SIK3: variants seen among roughly 807,000 people sequenced by gnomAD.
SIK3 encodes the protein serine/threonine-protein kinase SIK3.
Under a neutral mutation model 144.2 loss-of-function variants are expected in SIK3, and 28 were observed. The observed-to-expected ratio is 0.19, with a 90% CI of 0.14 to 0.27. The LOEUF is 0.27. Ranked by LOEUF, SIK3 falls within the 10% of genes least tolerant of loss-of-function variation. SIK3 has a pLI of 1.00. For synonymous variants in SIK3, 686 were observed against 676.3 expected (o/e 1.01, Z -0.22); for missense variants, 1,319 against 1,776.0 (o/e 0.74, Z 4.62).
intron 1 of SIK3, among the ~76,000 whole-genome samples, chr11:116,981,357 T>G (rs541853155): frequency 6.6e-6 from 1 of 152,316 alleles, no homozygotes; most frequent in East Asian, 1.9e-4. Flanking sequence ...CACATGGATC[T>G]CTCCATGGGC....
At chr11:116,998,165 T>TAAAA (rs71037438) in intron 1 of SIK3, among the ~76,000 whole-genome samples, 7 of 141,966 alleles carry the variant, frequency 4.9e-5, no homozygotes, top group African/African-American at 1.5e-4. Context: ...TATGATAATT[T>TAAAA]AAAAAAAAAA....
chr11:117,046,014 G>GT (rs1276368196), intron 1 of SIK3, among the ~76,000 whole-genome samples: 3 of 152,228 alleles, frequency 2.0e-5, no homozygotes, highest in Non-Finnish European at 4.4e-5. Flanking sequence ...CCAGTCTAAT[G>GT]TTTTTTATGA....
In SIK3 at chr11:116,935,900, T is replaced by C. The variant is rs76384483; in HGVS notation, c.455-8520A>G. Among the ~76,000 whole-genome samples the C allele has an allele frequency of 9.5e-3, 1,443 of 152,306 alleles. 14 individuals carry two copies. The highest frequency in any genetic ancestry group is 0.016 in the Non-Finnish European group (1,076 of 68,034). On this transcript the variant is annotated intron_variant, in intron 3 of 24. Transcript: ENST00000445177. The stretch of plus-strand genomic sequence containing the variant: ...AGGCTAATGGCTTCCAAATTCACTG[T>C]TTCTAGTCATCTAACCTCCTGAGCT...
chr11:117,068,722 C>T (rs899160357), intron 1 of SIK3, among the ~76,000 whole-genome samples: 3 of 152,196 alleles, frequency 2.0e-5, no homozygotes, highest in Admixed American at 2.0e-4. Context: ...CCACTGCACT[C>T]CAAACTGGGT....
chr11:116,975,046 C>T (rs1949897254), intron 1 of SIK3, among the ~76,000 whole-genome samples: 1 of 152,050 alleles, frequency 6.6e-6, no homozygotes, highest in Non-Finnish European at 1.5e-5. Context: ...ACCTGAAACT[C>T]TTTCTGAAAG....
intron 3 of SIK3, among the ~76,000 whole-genome samples, chr11:116,948,658 T>TTC (rs1209899115): frequency 6.6e-6 from 1 of 152,148 alleles, no homozygotes; most frequent in Non-Finnish European, 1.5e-5. Flanking sequence ...TCTTTTTCTC[T>TTC]TCTCTCTCTC....
intron 1 of SIK3, among the ~76,000 whole-genome samples, chr11:117,090,865 T>C (rs2134076975): frequency 6.6e-6 from 1 of 152,340 alleles, no homozygotes; most frequent in Non-Finnish European, 1.5e-5. Flanking sequence ...ACTCTTCCTC[T>C]CTACTCGGAA....
intron 1 of SIK3, among the ~76,000 whole-genome samples, chr11:117,052,529 T>A (rs1953306616): frequency 6.6e-6 from 1 of 152,190 alleles, no homozygotes; most frequent in Non-Finnish European, 1.5e-5. Flanking sequence ...AGAAATCTCT[T>A]CTCTGAATCA....
At chr11:117,042,145 T>G (rs923279145) in intron 1 of SIK3, among the ~76,000 whole-genome samples, 2 of 152,184 alleles carry the variant, frequency 1.3e-5, no homozygotes, top group Non-Finnish European at 2.9e-5. Context: ...AGAAGGCTCA[T>G]GATATGCTAT....
chr11:116,960,355 A>C (rs622302), intron 1 of SIK3, among the ~76,000 whole-genome samples: 1 of 151,922 alleles, frequency 6.6e-6, no homozygotes, highest in African/African-American at 2.4e-5. Flanking sequence ...GTGAGACCTC[A>C]TCTCTACAAA....
At chr11:116,915,169 T>TGTGTGTGTGTGTGTGTGTGTGTG (rs1555093415) in intron 4 of SIK3, among the ~76,000 whole-genome samples, 4 of 151,202 alleles carry the variant, frequency 2.6e-5, no homozygotes, top group South Asian at 2.1e-4. Flanking sequence ...TGTATGTGTA[T>TGTGTGTGTGTGTGTGTGTGTGTG]TTTTTCTTTT....
Position 116,867,872 on chromosome 11 carries a change from C to T in SIK3, c.1952+74G>A, listed in dbSNP as rs17120101. On this transcript the variant is annotated intron_variant, in intron 15 of 24. Coordinates refer to ENST00000445177, the MANE Select transcript of SIK3 (RefSeq NM_001366686.3). This position sits in a 1 kb window ranked among gnomAD's most constrained non-coding sequence, Gnocchi z 4.1. ...TTAAAGCCACGATGCTAGTCACCGT[C>T]GCTGTGAGACTAATCAGAAGGGTGC... 1.9e-3 allele frequency: 2,595 copies of T among 1,386,954 alleles called. 29 individuals carry two copies. In the East Asian group the frequency reaches 0.028, roughly 15 times the overall value. 85.9% of individuals were successfully genotyped at this position (1,386,954 alleles called of 1,614,324 possible).
chr11:117,082,343 C>A (rs1272309150), intron 1 of SIK3, among the ~76,000 whole-genome samples: 1 of 149,306 alleles, frequency 6.7e-6, no homozygotes, highest in Non-Finnish European at 1.5e-5. Context: ...TGTTCAAGAC[C>A]ATATTATTCA....
At chr11:116,906,381 G>A (rs551245262) in intron 4 of SIK3, among the ~76,000 whole-genome samples, 1 of 152,268 alleles carries the variant, frequency 6.6e-6, no homozygotes, top group Admixed American at 6.5e-5. Context: ...TTGAGAAGGT[G>A]ATCAGAAATT....
intron 1 of SIK3, among the ~76,000 whole-genome samples, chr11:117,072,895 T>G (rs972738663): frequency 6.6e-6 from 1 of 152,206 alleles, no homozygotes; most frequent in Non-Finnish European, 1.5e-5. Flanking sequence ...TGCTAAGGGA[T>G]TGAGGCCAGT....
intron 3 of SIK3, among the ~76,000 whole-genome samples, chr11:116,943,258 G>A (rs1181680017): frequency 6.6e-6 from 1 of 152,088 alleles, no homozygotes; most frequent in East Asian, 1.9e-4. Context: ...TTAGCTATTT[G>A]GCAAAATCAG....
At chr11:116,895,784 G>C (rs1945366006) in intron 6 of SIK3, among the ~76,000 whole-genome samples, 1 of 152,144 alleles carries the variant, frequency 6.6e-6, no homozygotes, top group Non-Finnish European at 1.5e-5. Context: ...TGAAGCAGTA[G>C]CAAGACTAAG....
chr11:116,984,458 T>C (rs1389445948), intron 1 of SIK3, among the ~76,000 whole-genome samples: 1 of 152,226 alleles, frequency 6.6e-6, no homozygotes, highest in Non-Finnish European at 1.5e-5. Flanking sequence ...TCCAGATTCT[T>C]CATCCTACTT....
intron 1 of SIK3, among the ~76,000 whole-genome samples, chr11:116,962,467 T>A (rs1269658380): frequency 1.3e-4 from 20 of 152,226 alleles, no homozygotes; most frequent in Admixed American, 1.3e-3. Context: ...TTTTAAAAAA[T>A]TTGTTTTAAG....
Sources: allele counts gnomAD v4.1 joint callset (sites outside exome capture counted in the v4.1 genomes callset), GRCh38; gene constraint gnomAD v4.1.1; non-coding constraint Gnocchi (gnomAD v3.1); transcripts MANE v1.5; gene names NCBI Gene and HGNC (gene_info 2026-07-23, HGNC 2026-07-21).